Variants in SLC24A3 observed in about 807,000 individuals in gnomAD.
SLC24A3 encodes the protein sodium/potassium/calcium exchanger 3.
A neutral mutation model predicts 75.8 loss-of-function variants in SLC24A3; 28 were observed. The observed-to-expected ratio is 0.37, with a 90% CI of 0.27 to 0.51. The LOEUF (loss-of-function observed/expected upper bound fraction) is 0.51, where lower values mean the gene tolerates loss of function less well. SLC24A3 is among the 20% of genes least tolerant of loss of function. The pLI is 0.94. For synonymous variants in SLC24A3, 372 were observed against 334.1 expected (o/e 1.11, Z -1.24); for missense variants, 663 against 847.8 (o/e 0.78, Z 2.71).
At chr20:19,446,122 G>C (rs916991172) in intron 2 of SLC24A3, among the ~76,000 whole-genome samples, 1 of 152,176 alleles carries the variant, frequency 6.6e-6, no homozygotes, top group Non-Finnish European at 1.5e-5. Context: ...GCTGCTCATA[G>C]AGTGTGGCTT....
rs377120180 is a variant in SLC24A3 at position 19,556,528 on chromosome 20, G to A, written c.349-23472G>A. ...AATTATGCTGAATTGAGAAAAAGAT[G>A]TTGTTTTTAGCTAGAGTGTAAAATT... On this transcript the variant is annotated intron_variant, in intron 3 of 16. Coordinates refer to ENST00000328041, the MANE Select transcript of SLC24A3 (RefSeq NM_020689.4). Among the ~76,000 whole-genome samples the A allele has an allele frequency of 4.7e-4, 70 of 147,702 alleles. No individual in the cohort carries two copies. The Middle Eastern group carries it at 0.011, about 23-fold the overall frequency.
intron 15 of SLC24A3, among the ~76,000 whole-genome samples, chr20:19,710,438 C>T (rs1266969697): frequency 3.3e-5 from 5 of 152,194 alleles, no homozygotes; most frequent in Admixed American, 6.5e-5. Flanking sequence ...TAGCCACCCT[C>T]CTGTTTCCTC....
chr20:19,609,124 A>G (rs1313821814), intron 6 of SLC24A3, among the ~76,000 whole-genome samples: 2 of 152,208 alleles, frequency 1.3e-5, no homozygotes, highest in African/African-American at 2.4e-5. Context: ...TTAAAGGATC[A>G]GGATGGAGAC....
At chr20:19,622,318 G>A (rs1481312436) in intron 6 of SLC24A3, among the ~76,000 whole-genome samples, 1 of 152,164 alleles carries the variant, frequency 6.6e-6, no homozygotes, top group Non-Finnish European at 1.5e-5. Context: ...GCTAACCTGT[G>A]GAGAGCTCAA....
intron 2 of SLC24A3, among the ~76,000 whole-genome samples, chr20:19,316,171 G>T (rs915111570): frequency 6.6e-6 from 1 of 152,216 alleles, no homozygotes; most frequent in Non-Finnish European, 1.5e-5. Context: ...TCTACTGAAT[G>T]TGCATCACTT....
chr20:19,520,047 C>G (rs1253721962), intron 3 of SLC24A3, among the ~76,000 whole-genome samples: 1 of 152,142 alleles, frequency 6.6e-6, no homozygotes, highest in Non-Finnish European at 1.5e-5. Context: ...TAATTCCTGT[C>G]TTCTGGAAGG....
intron 8 of SLC24A3, among the ~76,000 whole-genome samples, chr20:19,671,655 G>GT (rs999423086): frequency 6.6e-6 from 1 of 150,732 alleles, no homozygotes; most frequent in East Asian, 1.9e-4. Flanking sequence ...TTGTTTTTTT[G>GT]TTTTTTTGTT....
chr20:19,635,246 T>C (rs1271813894), intron 6 of SLC24A3, among the ~76,000 whole-genome samples: 1 of 152,228 alleles, frequency 6.6e-6, no homozygotes, highest in Non-Finnish European at 1.5e-5. Flanking sequence ...GAGTTTTTAA[T>C]GAATTTCTAG....
chr20:19,582,410 C>T (rs1009564597), intron 4 of SLC24A3, among the ~76,000 whole-genome samples: 12 of 152,302 alleles, frequency 7.9e-5, no homozygotes, highest in Admixed American at 2.0e-4. Flanking sequence ...CACTGTGCAA[C>T]GAATCATTGC....
chr20:19,268,729 G>T (rs752447612), intron 1 of SLC24A3, among the ~76,000 whole-genome samples: 1 of 152,162 alleles, frequency 6.6e-6, no homozygotes, highest in South Asian at 2.1e-4. Context: ...TGGTTGGGAT[G>T]CTTCTATGCC....
At chr20:19,501,518 A>T (rs1453874233) in intron 2 of SLC24A3, among the ~76,000 whole-genome samples, 1 of 152,228 alleles carries the variant, frequency 6.6e-6, no homozygotes, top group African/African-American at 2.4e-5. Context: ...TGACACTTGC[A>T]GGAAACATCT....
At chr20:19,482,436 G>C (rs1470737987) in intron 2 of SLC24A3, among the ~76,000 whole-genome samples, 1 of 152,138 alleles carries the variant, frequency 6.6e-6, no homozygotes, top group Admixed American at 6.5e-5. Context: ...TAGGCCAAGG[G>C]AATCACAGCC....
chr20:19,262,248 C>CA (rs372221539), intron 1 of SLC24A3, among the ~76,000 whole-genome samples: 9,359 of 150,692 alleles, frequency 0.062, 404 homozygotes, highest in Non-Finnish European at 0.092. Context: ...CTAAAAAACA[C>CA]AAAAAAATTA....
intron 8 of SLC24A3, among the ~76,000 whole-genome samples, chr20:19,669,584 C>T (rs1358658009): frequency 6.6e-6 from 1 of 151,922 alleles, no homozygotes; most frequent in Non-Finnish European, 1.5e-5. Flanking sequence ...CGTGTTGTTG[C>T]CAGAAGGAAT....
chr20:19,413,592 C>T (rs1041042786), intron 2 of SLC24A3, among the ~76,000 whole-genome samples: 6 of 152,134 alleles, frequency 3.9e-5, no homozygotes, highest in Non-Finnish European at 8.8e-5. Context: ...TCAAGAACAC[C>T]CAGTAATCAC....
At chr20:19,568,311 G>A (rs1600283852) in intron 3 of SLC24A3, among the ~76,000 whole-genome samples, 1 of 152,038 alleles carries the variant, frequency 6.6e-6, no homozygotes, top group Admixed American at 6.6e-5. Flanking sequence ...TTGAAATCGG[G>A]GACTCAAAGA....
At chr20:19,407,976 G>C (rs1437053089) in intron 2 of SLC24A3, among the ~76,000 whole-genome samples, 1 of 152,144 alleles carries the variant, frequency 6.6e-6, no homozygotes. Context: ...TGTAAAACTG[G>C]TTCCTTCTCT....
chr20:19,460,069 G>A (rs550394409), intron 2 of SLC24A3, among the ~76,000 whole-genome samples: 3 of 152,176 alleles, frequency 2.0e-5, no homozygotes, highest in Non-Finnish European at 4.4e-5. Flanking sequence ...TGAGGGTGAG[G>A]CGAGGGATGC....
chr20:19,669,313 C>A (rs1054635923), intron 8 of SLC24A3, among the ~76,000 whole-genome samples: 32 of 152,134 alleles, frequency 2.1e-4, no homozygotes, highest in African/African-American at 7.7e-4. Flanking sequence ...ACCAGCCTGG[C>A]CAACATGGTG....
Sources: allele counts gnomAD v4.1 joint callset (sites outside exome capture counted in the v4.1 genomes callset), GRCh38; gene constraint gnomAD v4.1.1; transcripts MANE v1.5; gene names NCBI Gene and HGNC (gene_info 2026-07-23, HGNC 2026-07-21).